Variants in PCDH11X observed in about 807,000 individuals in gnomAD.
PCDH11X encodes the protein protocadherin 11 X-linked.
In PCDH11X, 18 loss-of-function variants were observed where a neutral mutation model predicts 53.3. The observed-to-expected ratio is 0.34, with a 90% CI of 0.23 to 0.50. PCDH11X has a LOEUF of 0.50. Ranked by LOEUF, PCDH11X falls within the 20% of genes least tolerant of loss-of-function variation. The pLI, the probability that PCDH11X is intolerant of heterozygous loss-of-function variation, is 0.98. For missense variants in PCDH11X, 570 were observed against 1,032.4 expected (o/e 0.55, Z 6.14); for synonymous variants, 279 against 393.3 (o/e 0.71, Z 3.44).
At chrX:91,880,893 A>C (rs528880190) in intron 6 of PCDH11X, among the ~76,000 whole-genome samples, 1 of 108,971 alleles carries the variant, frequency 9.2e-6, no homozygotes, top group South Asian at 4.0e-4. Context: ...TTATTGGATA[A>C]GTTTCTCAAC....
At chrX:92,276,983 G>T (rs768929426) in intron 8 of PCDH11X, among the ~76,000 whole-genome samples, 4 of 111,580 alleles carry the variant, frequency 3.6e-5, no homozygotes, top group African/African-American at 1.3e-4. Flanking sequence ...TTGCTGGGCA[G>T]GTGGGGGAGG....
At chrX:92,526,039 T>C (rs2074447250) in intron 10 of PCDH11X, among the ~76,000 whole-genome samples, 1 of 111,877 alleles carries the variant, frequency 8.9e-6, no homozygotes, top group Non-Finnish European at 1.9e-5. Flanking sequence ...CAGAATATAA[T>C]AGGTCAGTAT....
chrX:92,147,802 TCTTCCTTC>T (rs200119243), intron 6 of PCDH11X, among the ~76,000 whole-genome samples: 1 of 84,697 alleles, frequency 1.2e-5, no homozygotes, highest in African/African-American at 5.6e-5. Context: ...TCCTTTCTTT[TCTTCCTTC>T]CTTTCTTTCT....
intron 6 of PCDH11X, among the ~76,000 whole-genome samples, chrX:91,970,767 C>T (rs145139057): frequency 8.9e-6 from 1 of 111,807 alleles, no homozygotes; most frequent in East Asian, 2.8e-4. Flanking sequence ...AATGATGCAA[C>T]AGGAAAATAT....
At chrX:91,883,130 A>G in intron 6 of PCDH11X, 2 of 991,487 alleles carry the variant, frequency 2.0e-6, no homozygotes, top group Non-Finnish European at 2.6e-6. Context: ...TAATCTGGCA[A>G]TGGAAATTTA....
chrX:92,386,565 A>G (rs1017758514), intron 8 of PCDH11X, among the ~76,000 whole-genome samples: 8 of 110,884 alleles, frequency 7.2e-5, no homozygotes, highest in African/African-American at 2.6e-4. Flanking sequence ...CTCCACAATG[A>G]CTGCTGCCTT....
At chrX:92,354,288 A>G (rs1389893025) in intron 8 of PCDH11X, among the ~76,000 whole-genome samples, 1 of 103,329 alleles carries the variant, frequency 9.7e-6, no homozygotes, top group Non-Finnish European at 2.0e-5. Context: ...TTGCCCTACA[A>G]CTGAAACGAT....
At chrX:91,822,705 C>G (rs746202302) in intron 4 of PCDH11X, among the ~76,000 whole-genome samples, 4 of 108,510 alleles carry the variant, frequency 3.7e-5, no homozygotes, top group African/African-American at 1.3e-4. Flanking sequence ...TTATTTCTTG[C>G]CTTCTGCTAG....
chrX:92,587,031 C>T (rs1282076019), intron 10 of PCDH11X, among the ~76,000 whole-genome samples: 15 of 91,323 alleles, frequency 1.6e-4, no homozygotes, highest in East Asian at 3.7e-4. Flanking sequence ...CAACCTGATA[C>T]GGCCCTAAAA....
At chrX:91,915,654 C>T (rs188638187) in intron 6 of PCDH11X, among the ~76,000 whole-genome samples, 71 of 110,884 alleles carry the variant, frequency 6.4e-4, no homozygotes, top group Non-Finnish European at 7.0e-4. Flanking sequence ...ATCGTATATA[C>T]GCACCTAACG....
At chrX:92,340,849 A>G (rs1441844122) in intron 8 of PCDH11X, among the ~76,000 whole-genome samples, 13 of 111,784 alleles carry the variant, frequency 1.2e-4, no homozygotes, top group Non-Finnish European at 2.1e-4. Flanking sequence ...TGGTTGCTCC[A>G]CCACCTGCTT....
intron 10 of PCDH11X, among the ~76,000 whole-genome samples, chrX:92,516,594 A>G (rs775793784): frequency 4.4e-5 from 5 of 112,694 alleles, no homozygotes; most frequent in South Asian, 7.2e-4. Flanking sequence ...TTACTGAATC[A>G]TATAATTAAA....
At chrX:92,393,192 A>G (rs1346771721) in intron 9 of PCDH11X, among the ~76,000 whole-genome samples, 1 of 110,745 alleles carries the variant, frequency 9.0e-6, no homozygotes, top group East Asian at 2.8e-4. Flanking sequence ...ATTCCACTTA[A>G]CAAAAAGAAA....
At chrX:92,437,456 AC>A (rs770787175) in intron 9 of PCDH11X, among the ~76,000 whole-genome samples, 1 of 111,804 alleles carries the variant, frequency 8.9e-6, no homozygotes, top group South Asian at 3.7e-4. Context: ...AAATTACCTT[AC>A]TTAAATACAT....
chrX:92,173,162 T>G (rs2148278983), intron 6 of PCDH11X, among the ~76,000 whole-genome samples: 1 of 111,957 alleles, frequency 8.9e-6, no homozygotes, highest in South Asian at 3.7e-4. Context: ...TCTTAAACCA[T>G]TAAGCAATAC....
chrX:92,538,440 C>T, intron 10 of PCDH11X, among the ~76,000 whole-genome samples: 1 of 110,790 alleles, frequency 9.0e-6, no homozygotes, highest in Non-Finnish European at 1.9e-5. Flanking sequence ...GTAGTCTCCT[C>T]TCTCATTCTT....
chrX:92,365,310 A>G (rs1238608728), intron 8 of PCDH11X, among the ~76,000 whole-genome samples: 4 of 105,988 alleles, frequency 3.8e-5, no homozygotes, highest in Non-Finnish European at 7.8e-5. Context: ...ATAGTTATTT[A>G]TTATCATTAT....
At chrX:92,258,701 C>T (rs1357481185) in intron 7 of PCDH11X, among the ~76,000 whole-genome samples, 1 of 111,984 alleles carries the variant, frequency 8.9e-6, no homozygotes. Context: ...GCTTAAATTC[C>T]TCCCCTGAAA....
intron 8 of PCDH11X, among the ~76,000 whole-genome samples, chrX:92,320,099 ATTC>A (rs1359896778): frequency 8.9e-6 from 1 of 111,889 alleles, no homozygotes; most frequent in Non-Finnish European, 1.9e-5. Flanking sequence ...ATGATATGAT[ATTC>A]TTCTACACAT....
Sources: gnomAD v4.1 joint callset for allele counts (sites outside exome capture counted in the v4.1 genomes callset) on GRCh38, gnomAD v4.1.1 for gene constraint, MANE v1.5 for transcripts, NCBI Gene and HGNC (gene_info 2026-07-23, HGNC 2026-07-21) for gene names.